Variants in MUC5B observed in about 807,000 individuals in gnomAD.
MUC5B encodes the protein mucin 5B, oligomeric mucus/gel-forming, also known as mucin-5B.
MUC5B carries 116 observed loss-of-function variants against 376.9 expected under a neutral mutation model. That is an observed-to-expected ratio of 0.31 (90% CI 0.26 to 0.36). The LOEUF is 0.36. MUC5B is among the 10% of genes least tolerant of loss of function. The pLI, the probability that MUC5B is intolerant of heterozygous loss-of-function variation, is 1.00. For missense variants in MUC5B, 7,165 were observed against 7,769.9 expected (o/e 0.92, Z 2.93); for synonymous variants, 3,517 against 3,390.9 (o/e 1.04, Z -1.29).
At position 1,252,940 on chromosome 11, in the gene MUC5B, G is replaced by T; in HGVS notation, c.15177G>T (p.Ser5059=). 1 of 1,612,656 alleles carries T rather than the reference G, an allele frequency of 6.2e-7. No individual in the cohort carries two copies. The highest frequency in any genetic ancestry group is 2.2e-5 in the East Asian group (1 of 44,884). ...ACAAGCACCTGCCCATCAAAGTGTC[G>T]GACCCGAGCCAGCCCTGTGACTTCC... ...CVNKHLPIKV[S]DPSQPCDFHY... The change falls in exon 33 of 49, where the codon TCG becomes TCT. Residue 5059 remains serine (S), a synonymous_variant. Transcript: ENST00000529681.
intron 11 of MUC5B, 73 bp downstream of exon 11, chr11:1,230,216 G>C (rs1041451997): frequency 6.6e-7 from 1 of 1,514,284 alleles, no homozygotes. Flanking sequence ...ACCCAGGGGA[G>C]GCCCCCACGA....
Position 1,229,800 on chromosome 11 carries a change from A to G in MUC5B, c.1213A>G (p.Ser405Gly), listed in dbSNP as rs1206707149. ...GGGCACCTCCTTCAACACCACCTGC[A>G]GCTCCTGGTACTTATGAGCCCACCA... ...SPGTSFNTTC[S>G]SCTCSGGLWQ... Residue 405 changes from serine to glycine, a missense_variant, in exon 10 of 49, where the codon AGC becomes GGC. This residue lies in a region of MUC5B where 640 missense variants were observed against 733.0 expected (regional missense o/e 0.87). Transcript: ENST00000529681. 6.3e-7 allele frequency: 1 copy of G among 1,598,366 alleles called. No homozygotes were observed.
At position 1,243,826 on chromosome 11, in the gene MUC5B, C is replaced by T. The variant is rs1389993220; in HGVS notation, c.6946C>T (p.Pro2316Ser). Residue 2316 changes from proline to serine, a missense_variant, in exon 31 of 49, where the codon CCC becomes TCC. By Grantham distance (74) the Pro-to-Ser change is moderately conservative (BLOSUM62 -1). Coordinates refer to ENST00000529681, the MANE Select transcript of MUC5B (RefSeq NM_002458.3). ...ITTVVTMGCE[P>S]QCAWSEWLDY... ...CACGGTGGTGACCATGGGCTGTGAG[C>T]CCCAGTGTGCCTGGTCAGAGTGGCT... 21 of 1,611,422 alleles carry T rather than the reference C, an allele frequency of 1.3e-5. No individual in the cohort carries two copies. The highest frequency in any genetic ancestry group is 1.7e-5 in the Non-Finnish European group (20 of 1,179,616).
rs767521353 is a variant in MUC5B, at chr11:1,240,012, C to G, written c.3729-33C>G. On this transcript the variant is annotated intron_variant, in intron 28 of 48. Transcript: ENST00000529681. Reference sequence around the variant, plus strand: ...GGAGCAGGCCCTGCAGGCTGCCCCCCAGGCCCTCAGCTCGCCTCTCCCCCA... The same window carrying G: ...GGAGCAGGCCCTGCAGGCTGCCCCCGAGGCCCTCAGCTCGCCTCTCCCCCA... The G allele has an allele frequency of 1.1e-5, 18 of 1,594,916 alleles. No homozygotes were observed. In the Admixed American group the frequency reaches 1.4e-4, roughly 12 times the overall value.
chr11:1,241,212 C>A lies in MUC5B; in HGVS notation c.4332C>A (p.Pro1444=). ...PSPAPGTSPQ[P]SLSASTEPAV... ...CGGCCCCAGGCACCAGCCCTCAGCC[C>A]TCCCTCAGTGCCAGCACGGAGCCTG... The change falls in exon 31 of 49, where the codon CCC becomes CCA. Residue 1444 remains proline, a synonymous_variant. Transcript: ENST00000529681. The A allele has an allele frequency of 6.3e-7, 1 of 1,593,634 alleles. No individual in the cohort carries two copies. The highest frequency in any genetic ancestry group is 2.3e-5 in the East Asian group (1 of 43,352).
chr11:1,246,600 C>T lies in MUC5B; in HGVS notation c.9720C>T (p.Ile3240=), dbSNP rs1344661387. The T allele has an allele frequency of 1.2e-6, 2 of 1,613,346 alleles. No individual in the cohort carries two copies. Among genetic ancestry groups the T allele is most frequent in the East Asian group, 4.5e-5 (2 of 44,850 alleles). Residue 3240 remains isoleucine (I), a synonymous_variant, in exon 31 of 49, where the codon ATC becomes ATT. Transcript: ENST00000529681. ...TTPTATSVTA[I]PSSSLGTAWT... is the part of the protein sequence containing the mutation. ...CCACAGCTACCAGCGTTACAGCCAT[C>T]CCCTCTTCCTCCCTGGGCACCGCCT...
At position 1,261,690 on chromosome 11, in the gene MUC5B, T is replaced by G; in HGVS notation, c.*82T>G. 1 of 1,361,670 alleles carries G rather than the reference T, an allele frequency of 7.3e-7. No individual in the cohort carries two copies. The highest frequency in any genetic ancestry group is 1.2e-5 in the South Asian group (1 of 80,438). 84.3% of individuals were successfully genotyped at this position (1,361,670 alleles called of 1,614,324 possible). ...CTGATCATGAAAACCTTGGGCCTCC[T>G]CTGCGGAGCCCCCCGGCCTGTGTGT... On this transcript the variant is annotated 3_prime_UTR_variant, in exon 49 of 49. Transcript: ENST00000529681.
chr11:1,242,475 G>C lies in MUC5B; in HGVS notation c.5595G>C (p.Arg1865Ser). ...LTCKNEDQTG[R>S]FNMCFNYNVR... is the part of the protein sequence containing the mutation. The stretch of plus-strand genomic sequence containing the variant: ...GCAAGAACGAAGACCAGACAGGCAG[G>C]TTCAACATGTGCTTCAACTACAACG... The change falls in exon 31 of 49, where the codon AGG becomes AGC. Residue 1865 changes from arginine to serine, a missense_variant. Physicochemically the swap from Arg to Ser is moderately radical, Grantham distance 110 (BLOSUM62 -1). Coordinates refer to ENST00000529681, the MANE Select transcript of MUC5B (RefSeq NM_002458.3). The C allele has an allele frequency of 6.2e-7, 1 of 1,613,754 alleles. No homozygotes were observed. Among genetic ancestry groups the C allele is most frequent in the Non-Finnish European group, 8.5e-7 (1 of 1,179,806 alleles).
In MUC5B at chr11:1,257,742, T is replaced by C. The variant is rs772344298; in HGVS notation, c.16450+32T>C. ...CGCTGCAGAGCAGAGGTGCCCGGCA[T>C]AGGGTGAGGGGGGACAGAGCCGGTG... On this transcript the variant is annotated intron_variant, in intron 41 of 48. Coordinates refer to ENST00000529681, the MANE Select transcript of MUC5B (RefSeq NM_002458.3). The surrounding 1 kb of genome is among the most constrained non-coding windows in gnomAD (Gnocchi z 8.9). 1 of 1,519,000 alleles carries C rather than the reference T, an allele frequency of 6.6e-7. No homozygotes were observed. Among genetic ancestry groups the C allele is most frequent in the Non-Finnish European group, 8.8e-7 (1 of 1,136,318 alleles). The allele number at this position is 1,519,000 out of a possible 1,614,324, so 94.1% of individuals were successfully genotyped here.
At position 1,243,363 on chromosome 11, in the gene MUC5B, G is replaced by T. The variant is rs371805460; in HGVS notation, c.6483G>T (p.Val2161=). The part of the protein sequence containing the change: ...STPGTTPIPP[V]LTTTATTPAA... The stretch of plus-strand genomic sequence containing the variant: ...CTGGGACAACTCCCATCCCCCCAGT[G>T]CTGACCACCACCGCCACCACACCTG... The change falls in exon 31 of 49, where the codon GTG becomes GTT. Residue 2161 remains valine, a synonymous_variant. Coordinates refer to ENST00000529681, the MANE Select transcript of MUC5B (RefSeq NM_002458.3). 1.9e-5 allele frequency: 30 copies of T among 1,556,780 alleles called. No individual in the cohort carries two copies. The African/African-American group carries it at 3.7e-4, about 19-fold the overall frequency.
chr11:1,247,976 C>A lies in MUC5B; in HGVS notation c.11096C>A (p.Thr3699Lys), dbSNP rs1319001287. ...TGGATCCTCACAAAGCTGACCACAA[C>A]AGCCACTACGACTGAGTCCACTGGA... ...TTWILTKLTT[T>K]ATTTESTGST... Residue 3699 changes from threonine (T) to lysine (K), a missense_variant, in exon 31 of 49, where the codon ACA (threonine) becomes AAA (lysine). Coordinates refer to ENST00000529681, the MANE Select transcript of MUC5B (RefSeq NM_002458.3). The A allele has an allele frequency of 1.9e-6, 3 of 1,610,714 alleles. No individual in the cohort carries two copies. The highest frequency in any genetic ancestry group is 1.7e-5 in the Admixed American group (1 of 59,934).
At position 1,234,416 on chromosome 11, in the gene MUC5B, G is replaced by A. The variant is rs1311236129; in HGVS notation, c.2478+111G>A. On this transcript the variant is annotated intron_variant, in intron 20 of 48. Coordinates refer to ENST00000529681, the MANE Select transcript of MUC5B (RefSeq NM_002458.3). This position sits in a 1 kb window ranked among gnomAD's most constrained non-coding sequence, Gnocchi z 6.3. The stretch of plus-strand genomic sequence containing the variant: ...AGACACTTACCCACCTGGAAGCTCC[G>A]CCCTGGCCCATGCGTTGCCCTGGGT... 22 of 1,500,894 alleles carry A rather than the reference G, an allele frequency of 1.5e-5. No homozygotes were observed. Among genetic ancestry groups the A allele is most frequent in the East Asian group, 4.9e-5 (2 of 40,424 alleles). 93.0% of individuals were successfully genotyped at this position (1,500,894 alleles called of 1,614,324 possible). A position where few individuals can be genotyped will look rare whatever the true frequency, so the allele number is the denominator to read the frequency against.
chr11:1,250,769 C>G lies in MUC5B; in HGVS notation c.13889C>G (p.Pro4630Arg). The change falls in exon 31 of 49, where the codon CCC becomes CGC. Residue 4630 changes from proline to arginine, a missense_variant. By Grantham distance (103) the Pro-to-Arg change is moderately radical. Coordinates refer to ENST00000529681, the MANE Select transcript of MUC5B (RefSeq NM_002458.3). ...STTTTPTTTT[P>R]TTSGSTVTPS... is the part of the protein sequence containing the mutation. The stretch of plus-strand genomic sequence containing the variant: ...ACCACCACACCCACAACCACCACAC[C>G]CACAACCAGTGGCTCCACGGTGACC... The G allele has an allele frequency of 6.2e-7, 1 of 1,613,174 alleles. No individual in the cohort carries two copies. The highest frequency in any genetic ancestry group is 8.5e-7 in the Non-Finnish European group (1 of 1,179,498).
rs370483469 is a variant in MUC5B, at chr11:1,227,127, C to T, written c.558C>T (p.Asn186=). 32 of 1,611,986 alleles carry T rather than the reference C, an allele frequency of 2.0e-5. No individual in the cohort carries two copies. In the African/African-American group the frequency reaches 2.7e-4, roughly 13 times the overall value. Residue 186 remains asparagine (N), a synonymous_variant, in exon 5 of 49, where the codon AAC becomes AAT. Transcript: ENST00000529681. ...SIRLVLTFLW[N]GEDSALLELD... ...GGCTGGTGCTGACATTCCTGTGGAA[C>T]GGAGAGGACAGTGCCCTGGTGAGGA...
intron 23 of MUC5B, 44 bp from the exon 24 acceptor site, chr11:1,236,342 G>T (rs1234396145): frequency 6.4e-7 from 1 of 1,568,738 alleles, no homozygotes; most frequent in Non-Finnish European, 8.7e-7. Context: ...CCCCTCCCTG[G>T]GGGCCACAGG....
Position 1,237,134 on chromosome 11 carries a change from C to G in MUC5B, c.3267C>G (p.His1089Gln). The change falls in exon 25 of 49, where the codon CAC becomes CAG. Residue 1089 changes from histidine (H) to glutamine (Q), a missense_variant. This residue lies in a region of MUC5B where 143 missense variants were observed against 193.2 expected (regional missense o/e 0.74). Coordinates refer to ENST00000529681, the MANE Select transcript of MUC5B (RefSeq NM_002458.3). Reference protein sequence around the residue: ...SWAQKQCSILHGPTFAACRSQ... With the variant: ...SWAQKQCSILQGPTFAACRSQ... ...CCCAGAAGCAGTGCAGCATCCTCCACGGCCCCACCTTCGCCGCCTGCCGCT... is the reference window on the plus strand; with the variant it reads ...CCCAGAAGCAGTGCAGCATCCTCCAGGGCCCCACCTTCGCCGCCTGCCGCT... 1 of 1,455,948 alleles carries G rather than the reference C, an allele frequency of 6.9e-7. No homozygotes were observed. The highest frequency in any genetic ancestry group is 2.7e-5 in the East Asian group (1 of 37,692). 90.2% of individuals were successfully genotyped at this position (1,455,948 alleles called of 1,614,324 possible).
Position 1,226,625 on chromosome 11 carries a change from G to T in MUC5B, c.210G>T (p.Pro70=), listed in dbSNP as rs374991120. 16 of 1,609,942 alleles carry T rather than the reference G, an allele frequency of 9.9e-6. No homozygotes were observed. The African/African-American group carries it at 2.0e-4, about 20-fold the overall frequency. Residue 70 remains proline (P), a synonymous_variant, in exon 4 of 49, where the codon CCG becomes CCT. Coordinates refer to ENST00000529681, the MANE Select transcript of MUC5B (RefSeq NM_002458.3). Reference sequence around the variant, plus strand: ...CCGCGCTCCCCACAGCCCTGAACCCGGCGCACAATGGGCGGGTGTGCAGCA... The same window carrying T: ...CCGCGCTCCCCACAGCCCTGAACCCTGCGCACAATGGGCGGGTGTGCAGCA... ...TVFPSLSPLN[P]AHNGRVCSTW...
At position 1,241,723 on chromosome 11, in the gene MUC5B, G is replaced by A; in HGVS notation, c.4843G>A (p.Glu1615Lys). ...GRATTPPPTTELETATTTTTQ... is the reference protein window; with the variant it reads ...GRATTPPPTTKLETATTTTTQ... ...TGCCACAACCCCGCCACCGACCACA[G>A]AGCTGGAGACGGCCACCACCACCAC... Residue 1615 changes from glutamate (E) to lysine (K), a missense_variant, in exon 31 of 49, where the codon GAG becomes AAG. Physicochemically the swap from Glu to Lys is moderately conservative, Grantham distance 56. This residue lies in a region of MUC5B where 897 missense variants were observed against 779.6 expected (regional missense o/e 1.15). Transcript: ENST00000529681. 1.2e-6 allele frequency: 2 copies of A among 1,612,388 alleles called. No individual in the cohort carries two copies. The highest frequency in any genetic ancestry group is 1.7e-6 in the Non-Finnish European group (2 of 1,179,684).
rs747987320 is a variant in MUC5B, at chr11:1,246,482, C to G, written c.9602C>G (p.Thr3201Ser). Residue 3201 changes from threonine (T) to serine (S), a missense_variant, in exon 31 of 49, where the codon ACC (threonine) becomes AGC (serine). Physicochemically the swap from Thr to Ser is moderately conservative, Grantham distance 58 (BLOSUM62 1). This residue lies in a region of MUC5B where 939 missense variants were observed against 770.6 expected (regional missense o/e 1.22). Transcript: ENST00000529681. Reference protein sequence around the residue: ...GTLKVLTSTATTPTVISSRAT... With the variant: ...GTLKVLTSTASTPTVISSRAT... Reference sequence around the variant, plus strand: ...CTCAAAGTGCTGACCAGCACGGCCACCACACCCACAGTCATCAGCTCCAGA... The same window carrying G: ...CTCAAAGTGCTGACCAGCACGGCCAGCACACCCACAGTCATCAGCTCCAGA... 2 of 1,613,280 alleles carry G rather than the reference C, an allele frequency of 1.2e-6. No homozygotes were observed. Among genetic ancestry groups the G allele is most frequent in the South Asian group, 2.2e-5 (2 of 91,052 alleles).
Sources: allele counts gnomAD v4.1 joint callset, GRCh38; gene constraint gnomAD v4.1.1; regional missense constraint gnomAD v4.1.1; non-coding constraint Gnocchi (gnomAD v3.1); transcripts MANE v1.5; gene names NCBI Gene and HGNC (gene_info 2026-07-23, HGNC 2026-07-21).